The following ATP11A variants were observed in gnomAD, a reference collection of about 807,000 sequenced individuals.
The protein encoded by ATP11A is phospholipid-transporting ATPase IH.
Under a neutral mutation model 154.4 loss-of-function variants are expected in ATP11A, and 81 were observed. That is an observed-to-expected ratio of 0.52 (90% confidence interval 0.44 to 0.63). The LOEUF is 0.63. ATP11A is among the 30% of genes least tolerant of loss of function. The probability of loss-of-function intolerance (pLI) is 0.00; values close to 1 mark genes in which losing one functional copy is unlikely to be tolerated. For missense variants in ATP11A, 1,316 were observed against 1,474.3 expected, an observed-to-expected ratio of 0.89 and a Z score of 1.76; for synonymous variants, 623 against 585.9, an observed-to-expected ratio of 1.06 and a Z score of -0.91.
At chr13:112,694,998 C>T (rs1885630485) in intron 1 of ATP11A, among the ~76,000 whole-genome samples, 1 of 152,208 alleles carries the variant, frequency 6.6e-6, no homozygotes. Flanking sequence ...ATAATGTGAA[C>T]ATCAGTGTTC....
rs568473730 is a variant in ATP11A, at chr13:112,754,831, C to T, written c.40-30304C>T. ...AGGAGGCCTCTCCACGATCCACAAT[C>T]GACCACCTGTCCATGGAGCTCCGGG... is the stretch of plus-strand genomic sequence containing the variant. On this transcript the variant is annotated intron_variant, in intron 1 of 29. Coordinates refer to ENST00000375645, the MANE Select transcript of ATP11A (RefSeq NM_015205.3). This position sits in a 1 kb window ranked among gnomAD's most constrained non-coding sequence, Gnocchi z 5.3. The T allele has an allele frequency of 7.9e-5, 12 of 152,824 alleles. No individual in the cohort carries two copies. The highest frequency in any genetic ancestry group is 2.9e-4 in the African/African-American group (12 of 41,594). The allele number at this position is 152,824 out of a possible 1,614,324, so 9.5% of individuals were successfully genotyped here.
chr13:112,878,147 C>A, intron 28 of ATP11A, 70 bp from the exon 29 acceptor site: 1 of 1,417,974 alleles, frequency 7.1e-7, no homozygotes, highest in Non-Finnish European at 1.0e-6. Context: ...CGTCTTCCGA[C>A]CGCTTTGCCT....
chr13:112,793,294 C>T (rs1327808073), intron 2 of ATP11A, among the ~76,000 whole-genome samples: 5 of 152,130 alleles, frequency 3.3e-5, no homozygotes, highest in Admixed American at 6.5e-5. Flanking sequence ...CTCCACCGCC[C>T]GGGTTTAAGT....
intron 1 of ATP11A, among the ~76,000 whole-genome samples, chr13:112,712,286 C>G (rs558703125): frequency 7.2e-5 from 11 of 152,294 alleles, no homozygotes; most frequent in Non-Finnish European, 1.3e-4. Context: ...GCACCCAGCC[C>G]CGCATACAAA....
intron 1 of ATP11A, among the ~76,000 whole-genome samples, chr13:112,691,571 A>G (rs1885204967): frequency 6.6e-6 from 1 of 151,340 alleles, no homozygotes; most frequent in Admixed American, 6.6e-5. Flanking sequence ...AAGAGGCTTC[A>G]TTGTTCCATA....
intron 2 of ATP11A, among the ~76,000 whole-genome samples, chr13:112,801,916 C>G (rs1181566655): frequency 6.6e-6 from 1 of 152,182 alleles, no homozygotes; most frequent in Non-Finnish European, 1.5e-5. Flanking sequence ...CAAACTGATT[C>G]TGCATTTATA....
chr13:112,829,892 G>GTGATTCTATAT (rs2079041975), intron 12 of ATP11A, among the ~76,000 whole-genome samples: 1 of 152,138 alleles, frequency 6.6e-6, no homozygotes, highest in Non-Finnish European at 1.5e-5. Context: ...CTATATACCA[G>GTGATTCTATAT]ACAAGAAACT....
chr13:112,826,645 T>C (rs747865934), intron 11 of ATP11A, 49 bp from the exon 12 acceptor site: 8 of 1,505,810 alleles, frequency 5.3e-6, no homozygotes, highest in Admixed American at 1.7e-5. Flanking sequence ...GTTGGAGGCC[T>C]GCTGTCCCTC....
chr13:112,877,151 A>G (rs2080753727), intron 28 of ATP11A, among the ~76,000 whole-genome samples: 2 of 152,156 alleles, frequency 1.3e-5, no homozygotes, highest in South Asian at 4.1e-4. Context: ...GAAACGCAGC[A>G]GAACGTGCCA....
At position 112,875,957 on chromosome 13, in the gene ATP11A, A is replaced by C. The variant is rs1157023184; in HGVS notation, c.3327+16A>C. ...GAGAGTCCAGGTACGGAGTGTCCCC[A>C]GCCGGGGCGGGGGTGCCTCAGGGCC... On this transcript the variant is annotated intron_variant, in intron 28 of 29. Coordinates refer to ENST00000375645, the MANE Select transcript of ATP11A (RefSeq NM_015205.3). The surrounding 1 kb of genome is among the most constrained non-coding windows in gnomAD (Gnocchi z 4.1). 1 of 1,599,824 alleles carries C rather than the reference A, an allele frequency of 6.3e-7. No homozygotes were observed. The highest frequency in any genetic ancestry group is 1.3e-5 in the African/African-American group (1 of 74,772).
chr13:112,705,285 CAA>C (rs1416873886), intron 1 of ATP11A, among the ~76,000 whole-genome samples: 1 of 136,510 alleles, frequency 7.3e-6, no homozygotes, highest in Non-Finnish European at 1.5e-5. Flanking sequence ...AATGTGGAAA[CAA>C]AATGTGCAGG....
At chr13:112,700,738 C>G (rs1051848667) in intron 1 of ATP11A, among the ~76,000 whole-genome samples, 2 of 152,364 alleles carry the variant, frequency 1.3e-5, no homozygotes. Context: ...CACGGCCACT[C>G]CAACATGCGG....
intron 1 of ATP11A, among the ~76,000 whole-genome samples, chr13:112,714,039 A>C (rs1469185235): frequency 2.8e-5 from 2 of 70,560 alleles, no homozygotes; most frequent in Admixed American, 1.7e-4. Flanking sequence ...CCTCCCTTTC[A>C]CTCCCCCGAC....
In ATP11A at chr13:112,851,192, G is replaced by C; in HGVS notation, c.1965G>C (p.Leu655=). Residue 655 remains leucine, a synonymous_variant, in exon 18 of 30, where the codon CTG becomes CTC. Transcript: ENST00000375645. ...AGCAAATAGAGAAAGATCTTACTCT[G>C]CTTGGTGCTACAGCTGTTGAGGACC... ...AYEQIEKDLT[L]LGATAVEDRL... 1 of 1,614,038 alleles carries C rather than the reference G, an allele frequency of 6.2e-7. No individual in the cohort carries two copies. The highest frequency in any genetic ancestry group is 8.5e-7 in the Non-Finnish European group (1 of 1,179,994).
chr13:112,816,835 T>C lies in ATP11A; in HGVS notation c.570+624T>C, dbSNP rs544041216. 1.3e-4 allele frequency among the ~76,000 whole-genome samples: 20 copies of C among 152,360 alleles called. 2 individuals are homozygous for C. The highest frequency in any genetic ancestry group is 4.3e-4 in the African/African-American group (18 of 41,588). On this transcript the variant is annotated intron_variant, in intron 6 of 29. Coordinates refer to ENST00000375645, the MANE Select transcript of ATP11A (RefSeq NM_015205.3). ...GTTAACCTGTGTCAATTAGCTAATG[T>C]ACCAAATTCAGGATTTAATGAATAG...
At position 112,854,294 on chromosome 13, in the gene ATP11A, T is replaced by C. The variant is rs1840053759; in HGVS notation, c.2007T>C (p.Ala669=). The change falls in exon 19 of 30, where the codon GCT becomes GCC. Residue 669 remains alanine (A), a synonymous_variant. Coordinates refer to ENST00000375645, the MANE Select transcript of ATP11A (RefSeq NM_015205.3). The stretch of plus-strand genomic sequence containing the variant: ...CCTCCCTCAGGCTGCAGGAGAAAGC[T>C]GCAGACACCATCGAGGCCCTGCAGA... ...TAVEDRLQEK[A]ADTIEALQKA... is the part of the protein sequence containing the mutation. The C allele has an allele frequency of 1.9e-6, 3 of 1,614,164 alleles. No homozygotes were observed. Among genetic ancestry groups the C allele is most frequent in the Non-Finnish European group, 2.5e-6 (3 of 1,180,030 alleles).
At chr13:112,787,742 T>C (rs12868954) in intron 2 of ATP11A, among the ~76,000 whole-genome samples, 22 of 150,416 alleles carry the variant, frequency 1.5e-4, no homozygotes, top group African/African-American at 4.4e-4. Flanking sequence ...GGTGTCCTGA[T>C]GTGTAGACCC....
chr13:112,869,900 A>G (rs919259841), intron 25 of ATP11A, among the ~76,000 whole-genome samples: 2 of 152,188 alleles, frequency 1.3e-5, no homozygotes, highest in Non-Finnish European at 2.9e-5. Flanking sequence ...CAGGCTTCTC[A>G]CCCGGGCTCT....
At chr13:112,881,524 C>T (rs528440087) in intron 29 of ATP11A, 2 of 1,130,596 alleles carry the variant, frequency 1.8e-6, no homozygotes, top group South Asian at 2.0e-5. Context: ...GGCCTGTATC[C>T]CTGGGGCCCC....
Sources: allele counts gnomAD v4.1 joint callset (sites outside exome capture counted in the v4.1 genomes callset), GRCh38; gene constraint gnomAD v4.1.1; non-coding constraint Gnocchi (gnomAD v3.1); transcripts MANE v1.5; gene names NCBI Gene and HGNC (gene_info 2026-07-23, HGNC 2026-07-21).